The following SV2C variants were observed in gnomAD, a reference collection of about 807,000 sequenced individuals.
SV2C encodes solute carrier family 22 member B3.
In SV2C, 49 loss-of-function variants were observed where a neutral mutation model predicts 79.7. That is an observed-to-expected ratio of 0.61 (90% CI 0.49 to 0.78). The LOEUF is 0.78. SV2C is among the 30% of genes least tolerant of loss of function. The pLI is 0.00. For synonymous variants in SV2C, 334 were observed against 333.2 expected (o/e 1.00, Z -0.03); for missense variants, 833 against 912.9 (o/e 0.91, Z 1.13).
intron 2 of SV2C, among the ~76,000 whole-genome samples, chr5:76,179,299 T>G (rs1168532257): frequency 6.6e-6 from 1 of 152,212 alleles, no homozygotes; most frequent in Non-Finnish European, 1.5e-5. Context: ...TTAGGGGCCA[T>G]TTAGGGATTC....
the SV2C span, among the ~76,000 whole-genome samples, chr5:76,031,847 T>C: frequency 6.6e-6 from 1 of 152,328 alleles, no homozygotes; most frequent in African/African-American, 2.4e-5. Context: ...TTTAAGAGTT[T>C]AGCAACTTGT....
At chr5:75,957,202 T>C in the SV2C span, among the ~76,000 whole-genome samples, 2 of 151,926 alleles carry the variant, frequency 1.3e-5, no homozygotes, top group Non-Finnish European at 2.9e-5. Context: ...CTAGATAAGA[T>C]AGTAAATCAG....
the SV2C span, among the ~76,000 whole-genome samples, chr5:75,966,017 C>A: frequency 6.6e-6 from 1 of 152,142 alleles, no homozygotes; most frequent in African/African-American, 2.4e-5. Flanking sequence ...AAGTAATGTA[C>A]AACTGTGGAA....
chr5:75,851,644 CT>C, the SV2C span, among the ~76,000 whole-genome samples: 93 of 146,298 alleles, frequency 6.4e-4, no homozygotes, highest in Middle Eastern at 3.5e-3. Flanking sequence ...AACATTGGAT[CT>C]TTTTTTTTTT....
upstream of SV2C, among the ~76,000 whole-genome samples, chr5:76,080,847 T>C (rs1746975100): frequency 6.6e-6 from 1 of 152,154 alleles, no homozygotes; most frequent in Non-Finnish European, 1.5e-5. Flanking sequence ...AACATTTCAT[T>C]ATAATGAAGG....
the SV2C span, among the ~76,000 whole-genome samples, chr5:75,909,185 A>AAGCAC: frequency 6.6e-6 from 1 of 152,184 alleles, no homozygotes; most frequent in East Asian, 1.9e-4. Context: ...GTGCCATGCA[A>AAGCAC]AGCACAGCAA....
At chr5:75,952,527 G>A in the SV2C span, among the ~76,000 whole-genome samples, 9 of 151,824 alleles carry the variant, frequency 5.9e-5, no homozygotes, top group African/African-American at 1.2e-4. Flanking sequence ...TGGATCATAT[G>A]GGTCAGAGCC....
the SV2C span, among the ~76,000 whole-genome samples, chr5:75,874,759 A>C: frequency 1.3e-5 from 2 of 152,198 alleles, no homozygotes; most frequent in African/African-American, 2.4e-5. Context: ...CCCATACACC[A>C]AAAACAGCCA....
intron 12 of SV2C, among the ~76,000 whole-genome samples, chr5:76,352,018 G>C (rs1486427086): frequency 6.6e-6 from 1 of 152,166 alleles, no homozygotes; most frequent in East Asian, 1.9e-4. Flanking sequence ...TTCGAGACCA[G>C]CCTGGCCAAC....
rs536645775 is a variant in SV2C, at chr5:76,091,046, A to G, written c.-102+7534A>G. Among the ~76,000 whole-genome samples the G allele has an allele frequency of 2.3e-4, 35 of 152,206 alleles. 1 individual carries two copies. The highest frequency in any genetic ancestry group is 1.5e-4 in the Non-Finnish European group (10 of 68,034). On this transcript the variant is annotated intron_variant, in intron 1 of 12. Transcript: ENST00000502798. ...TCTTGATTTCATTTTTGTGCTTCAT[A>G]TCTAAGAAGTGATATTCTAATAAAT...
rs1743619882 is a variant in SV2C at position 76,178,716 on chromosome 5, T to C, written c.581-16203T>C. The stretch of plus-strand genomic sequence containing the variant: ...AAAGACATATCATTTTCCTTGTTTT[T>C]CTTGTTTAACTGCAGGCTGGTGGAA... On this transcript the variant is annotated intron_variant, in intron 2 of 12. Transcript: ENST00000502798. 2.6e-5 allele frequency among the ~76,000 whole-genome samples: 4 copies of C among 152,244 alleles called. No homozygotes were observed. The South Asian group carries it at 8.3e-4, about 31-fold the overall frequency.
chr5:76,182,203 G>C (rs767484121), intron 2 of SV2C, among the ~76,000 whole-genome samples: 8 of 151,984 alleles, frequency 5.3e-5, no homozygotes, highest in Admixed American at 1.3e-4. Context: ...ATCCTGCCCT[G>C]TTCACATAGA....
the SV2C span, among the ~76,000 whole-genome samples, chr5:75,938,849 T>G: frequency 0.25 from 38,144 of 152,168 alleles, 5,759 homozygotes; most frequent in East Asian, 0.41. Context: ...TTATAATACC[T>G]TCACTCTTTT....
At chr5:75,853,176 T>G in the SV2C span, among the ~76,000 whole-genome samples, 1 of 151,918 alleles carries the variant, frequency 6.6e-6, no homozygotes, top group Non-Finnish European at 1.5e-5. Flanking sequence ...ACCAAAGAGG[T>G]ATAGGCAAAA....
rs1267417744 is a variant in SV2C, at chr5:76,233,174, C to T, written c.913+23287C>T. ...CTTCACATCCCTTGTAAGTTGGATT[C>T]CTAGGTATTTTATTCTCTTTGAAGC... On this transcript the variant is annotated intron_variant, in intron 4 of 12. Coordinates refer to ENST00000502798, the MANE Select transcript of SV2C (RefSeq NM_014979.4). 5.9e-5 allele frequency among the ~76,000 whole-genome samples: 8 copies of T among 134,502 alleles called. No individual in the cohort carries two copies. In the South Asian group the frequency reaches 9.3e-4, roughly 16 times the overall value. The allele number at this position is 134,502 out of a possible 152,430, so 88.2% of individuals were successfully genotyped here.
At chr5:75,918,447 C>CAAAT in the SV2C span, among the ~76,000 whole-genome samples, 1 of 152,140 alleles carries the variant, frequency 6.6e-6, no homozygotes, top group African/African-American at 2.4e-5. Flanking sequence ...TTTAATTCAG[C>CAAAT]AAATGTTATA....
the SV2C span, among the ~76,000 whole-genome samples, chr5:75,996,471 T>G: frequency 2.0e-5 from 3 of 152,164 alleles, no homozygotes; most frequent in Non-Finnish European, 4.4e-5. Flanking sequence ...ATGCGGGATC[T>G]TTTTTGGTTC....
chr5:76,101,475 A>G (rs1038205462), intron 1 of SV2C, among the ~76,000 whole-genome samples: 1 of 152,268 alleles, frequency 6.6e-6, no homozygotes, highest in Admixed American at 6.5e-5. Context: ...AGTGCTAGGC[A>G]CTGCCCCAGC....
intron 2 of SV2C, among the ~76,000 whole-genome samples, chr5:76,147,450 G>C (rs1269681589): frequency 6.6e-6 from 1 of 151,122 alleles, no homozygotes; most frequent in African/African-American, 2.4e-5. Context: ...TGCATATGTG[G>C]TCCCAATTCT....
Sources: allele counts gnomAD v4.1 joint callset (sites outside exome capture counted in the v4.1 genomes callset), GRCh38; gene constraint gnomAD v4.1.1; transcripts MANE v1.5; gene names NCBI Gene and HGNC (gene_info 2026-07-23, HGNC 2026-07-21).